CLIP1: variants seen among roughly 807,000 people sequenced by gnomAD.
CLIP1 encodes the protein CAP-Gly domain-containing linker protein 1.
A neutral mutation model predicts 161.6 loss-of-function variants in CLIP1; 66 were observed. The observed-to-expected ratio is 0.41, with a 90% CI of 0.33 to 0.50. The LOEUF is 0.50. Among genes scored for constraint, CLIP1 ranks in the 20% least tolerant of loss-of-function variants. The pLI is 0.27. For missense variants in CLIP1, 1,376 were observed against 1,702.0 expected (o/e 0.81, Z 3.37); for synonymous variants, 598 against 626.2 (o/e 0.96, Z 0.67).
intron 20 of CLIP1, among the ~76,000 whole-genome samples, chr12:122,292,714 A>T (rs1398300729): frequency 6.6e-6 from 1 of 152,220 alleles, no homozygotes. Flanking sequence ...TTAAGAAAGT[A>T]TAAAGATGGC....
At chr12:122,399,505 A>T (rs565517708) in intron 1 of CLIP1, 5 of 152,334 alleles carry the variant, frequency 3.3e-5, no homozygotes, top group African/African-American at 1.2e-4. Flanking sequence ...TGCCCCAAGA[A>T]AATCACATCT....
At chr12:122,290,612 A>G (rs1358282801) in intron 20 of CLIP1, among the ~76,000 whole-genome samples, 3 of 152,196 alleles carry the variant, frequency 2.0e-5, no homozygotes, top group Non-Finnish European at 4.4e-5. Flanking sequence ...CATGGCAGAC[A>G]ATTCACAAAA....
At chr12:122,308,621 GT>G (rs750460877) in intron 20 of CLIP1, among the ~76,000 whole-genome samples, 46 of 152,234 alleles carry the variant, frequency 3.0e-4, no homozygotes, top group Non-Finnish European at 6.0e-4. Context: ...TTGTGCTTCC[GT>G]TTCCCCTTTT....
At chr12:122,364,941 T>C in intron 3 of CLIP1, 1 of 480,424 alleles carries the variant, frequency 2.1e-6, no homozygotes, top group Non-Finnish European at 4.0e-6. Context: ...TGTAGGGACA[T>C]GGATGAAATT....
intron 3 of CLIP1, among the ~76,000 whole-genome samples, chr12:122,374,890 C>T (rs951822134): frequency 3.9e-5 from 6 of 152,134 alleles, no homozygotes; most frequent in Admixed American, 1.3e-4. Context: ...TGACAAGTCA[C>T]CTCCTCATAT....
At chr12:122,358,120 T>C (rs1425549882) in intron 5 of CLIP1, among the ~76,000 whole-genome samples, 3 of 152,282 alleles carry the variant, frequency 2.0e-5, no homozygotes, top group East Asian at 3.9e-4. Flanking sequence ...CTTGGGATCC[T>C]GTTGATCTGT....
intron 2 of CLIP1, among the ~76,000 whole-genome samples, chr12:122,378,532 A>C (rs565568736): frequency 6.6e-6 from 1 of 152,316 alleles, no homozygotes; most frequent in South Asian, 2.1e-4. Context: ...GATTAGAAAA[A>C]GTCAAAGTAA....
chr12:122,377,562 A>C lies in CLIP1; in HGVS notation c.484T>G (p.Ser162Ala), dbSNP rs7963597. Residue 162 changes from serine (S) to alanine (A), a missense_variant, in exon 3 of 26, where the codon TCC becomes GCC. Coordinates refer to ENST00000620786, the MANE Select transcript of CLIP1 (RefSeq NM_001247997.2). ...STASMVSSSP[S>A]TPSNIPQKPS... ...TTCTGAGGGATGTTTGAAGGGGTGG[A>C]GGGGGAGGAAGACACCATGCTGGCC... 6.2e-7 allele frequency: 1 copy of C among 1,613,762 alleles called. No homozygotes were observed.
chr12:122,344,920 A>T (rs1171191611), intron 10 of CLIP1, among the ~76,000 whole-genome samples: 1 of 152,226 alleles, frequency 6.6e-6, no homozygotes, highest in Non-Finnish European at 1.5e-5. Flanking sequence ...ATACTTCGTT[A>T]TGGAAAGATA....
intron 10 of CLIP1, among the ~76,000 whole-genome samples, chr12:122,344,988 A>G: frequency 1.8e-5 from 1 of 56,884 alleles, no homozygotes; most frequent in South Asian, 7.3e-4. Context: ...CCTTATCTAG[A>G]GCAGGAAAAA....
chr12:122,293,588 C>T (rs1175357303), intron 20 of CLIP1, among the ~76,000 whole-genome samples: 1 of 151,600 alleles, frequency 6.6e-6, no homozygotes, highest in Non-Finnish European at 1.5e-5. Context: ...AAGCGATTCT[C>T]CTGCCTCAGC....
Position 122,334,113 on chromosome 12 carries a change from A to G in CLIP1, c.2627-3T>C, listed in dbSNP as rs1198411524. 2 of 1,587,112 alleles carry G rather than the reference A, an allele frequency of 1.3e-6. No individual in the cohort carries two copies. The highest frequency in any genetic ancestry group is 1.7e-6 in the Non-Finnish European group (2 of 1,156,526). ...TTGGTGTAACTTATTTACAGTTTCTATTTAGGATAAAAGTTAGAAGTTTAA... is the reference window on the plus strand; with the variant it reads ...TTGGTGTAACTTATTTACAGTTTCTGTTTAGGATAAAAGTTAGAAGTTTAA... On this transcript the variant is annotated splice_polypyrimidine_tract_variant and splice_region_variant and intron_variant, in intron 13 of 25. Coordinates refer to ENST00000620786, the MANE Select transcript of CLIP1 (RefSeq NM_001247997.2).
rs193097933 is a variant in CLIP1 at position 122,392,267 on chromosome 12, C to G, written c.-106-11709G>C. ...GCCTGGGCAATAGAACGAGCCCCAT[C>G]TCTAAAAACAAAACAAAAGAAAGAA... On this transcript the variant is annotated intron_variant, in intron 1 of 25. Transcript: ENST00000620786. 4.2e-3 allele frequency among the ~76,000 whole-genome samples: 634 copies of G among 152,268 alleles called. 8 individuals are homozygous for G. The highest frequency in any genetic ancestry group is 7.0e-3 in the Non-Finnish European group (475 of 68,020).
intron 11 of CLIP1, among the ~76,000 whole-genome samples, chr12:122,338,964 C>T (rs138353933): frequency 2.4e-4 from 36 of 152,212 alleles, no homozygotes; most frequent in Middle Eastern, 3.4e-3. Context: ...CTCACCTCAC[C>T]CCATTTAACC....
Position 122,278,555 on chromosome 12 carries a change from A to G in CLIP1, c.3916+237T>C, listed in dbSNP as rs964063401. ...TGTACTTTAAGACCCCCCAGTCTGGATGGCAGCAGGCAGCCATCATAGTAG... is the reference window on the plus strand; with the variant it reads ...TGTACTTTAAGACCCCCCAGTCTGGGTGGCAGCAGGCAGCCATCATAGTAG... On this transcript the variant is annotated intron_variant, in intron 23 of 25. Coordinates refer to ENST00000620786, the MANE Select transcript of CLIP1 (RefSeq NM_001247997.2). 7.6e-6 allele frequency: 4 copies of G among 524,372 alleles called. No homozygotes were observed. The Middle Eastern group carries it at 1.5e-3, about 196-fold the overall frequency. 32.5% of individuals were successfully genotyped at this position (524,372 alleles called of 1,614,324 possible).
In CLIP1 at chr12:122,283,736, G is replaced by A. The variant is rs552056646; in HGVS notation, c.3648-4591C>T. ...ACTGGGATTACAGGCGTGACCCACCGCACCCAGCCGGATTCTAATTTCTTC... is the reference window on the plus strand; with the variant it reads ...ACTGGGATTACAGGCGTGACCCACCACACCCAGCCGGATTCTAATTTCTTC... On this transcript the variant is annotated intron_variant, in intron 21 of 25. Coordinates refer to ENST00000620786, the MANE Select transcript of CLIP1 (RefSeq NM_001247997.2). Among the ~76,000 whole-genome samples, 15 of 152,160 alleles carry A rather than the reference G, an allele frequency of 9.9e-5. No individual in the cohort carries two copies. In the South Asian group the frequency reaches 2.9e-3, roughly 29 times the overall value.
Position 122,328,416 on chromosome 12 carries a change from C to T in CLIP1, c.2878G>A (p.Glu960Lys). ...GCCTTTGTAAGTTTTAGCTGTAATT[C>T]TTCTACATCTCTAGAAAAAGTTTCA... ...ELRLKERDVE[E>K]LQLKLTKANE... The change falls in exon 16 of 26, where the codon GAA (glutamate) becomes AAA (lysine). Residue 960 changes from glutamate to lysine, a missense_variant. Physicochemically the swap from Glu to Lys is moderately conservative, Grantham distance 56. Around this residue, in one of 6 missense-constraint regions of CLIP1, gnomAD observed 948 missense variants for 1,134.8 expected, o/e 0.84. Transcript: ENST00000620786. The T allele has an allele frequency of 3.8e-6, 6 of 1,579,244 alleles. No individual in the cohort carries two copies. Among genetic ancestry groups the T allele is most frequent in the Non-Finnish European group, 5.1e-6 (6 of 1,166,470 alleles).
At chr12:122,307,869 C>T (rs996724321) in intron 20 of CLIP1, among the ~76,000 whole-genome samples, 3 of 152,230 alleles carry the variant, frequency 2.0e-5, no homozygotes, top group African/African-American at 7.2e-5. Flanking sequence ...AAGCCTATCA[C>T]ATTTTAATTC....
intron 17 of CLIP1, among the ~76,000 whole-genome samples, chr12:122,321,202 C>A (rs1042721126): frequency 6.6e-6 from 1 of 151,510 alleles, no homozygotes; most frequent in Non-Finnish European, 1.5e-5. Context: ...TAGTTAAAAG[C>A]CAAACAGAAG....
Sources: allele counts gnomAD v4.1 joint callset (sites outside exome capture counted in the v4.1 genomes callset), GRCh38; gene constraint gnomAD v4.1.1; regional missense constraint gnomAD v4.1.1; transcripts MANE v1.5; gene names NCBI Gene and HGNC (gene_info 2026-07-23, HGNC 2026-07-21).